The following GDPD1 variants were observed in gnomAD, a reference collection of about 807,000 sequenced individuals.
GDPD1 encodes lysophospholipase D GDPD1.
Under a neutral mutation model 45.1 loss-of-function variants are expected in GDPD1, and 28 were observed. The ratio of observed to expected loss-of-function variants is 0.62; its 90% CI spans 0.46 to 0.85. The LOEUF (loss-of-function observed/expected upper bound fraction) is 0.85. GDPD1 is among the 40% of genes least tolerant of loss of function. The pLI is 0.00. For missense variants in GDPD1, 256 were observed against 364.8 expected, an observed-to-expected ratio of 0.70 and a Z score of 2.43; for synonymous variants, 139 against 131.4, an observed-to-expected ratio of 1.06 and a Z score of -0.40.
At position 59,233,868 on chromosome 17, in the gene GDPD1, A is replaced by C. The variant is rs145104636; in HGVS notation, c.143-624A>C. Among the ~76,000 whole-genome samples the C allele has an allele frequency of 3.3e-5, 5 of 152,298 alleles. No homozygotes were observed. In the East Asian group the frequency reaches 9.6e-4, roughly 29 times the overall value. On this transcript the variant is annotated intron_variant, in intron 1 of 9. Transcript: ENST00000284116. The stretch of plus-strand genomic sequence containing the variant: ...TGTACACAAACTTTGTTTCGTGCAT[A>C]AAATTATTTAAAATATTGTGTAAAA...
chr17:59,271,124 A>G, intron 8 of GDPD1, 129 bp downstream of exon 8: 1 of 571,892 alleles, frequency 1.7e-6, no homozygotes, highest in Non-Finnish European at 3.1e-6. Context: ...CCTGCTATGT[A>G]AAATGTGTAT....
At chr17:59,252,773 G>A (rs985861527) in intron 4 of GDPD1, among the ~76,000 whole-genome samples, 2 of 151,800 alleles carry the variant, frequency 1.3e-5, no homozygotes, top group African/African-American at 4.8e-5. Context: ...GTTGAGGCAG[G>A]AAGATCACCT....
At chr17:59,272,987 C>G (rs1193279050) in intron 9 of GDPD1, 151 bp downstream of exon 9, 6 of 1,504,056 alleles carry the variant, frequency 4.0e-6, no homozygotes, top group Non-Finnish European at 5.3e-6. Context: ...TAAGCTCTTC[C>G]TTACACTTAG....
intron 7 of GDPD1, among the ~76,000 whole-genome samples, chr17:59,269,475 A>AC (rs201819855): frequency 0.13 from 15,453 of 119,784 alleles, 913 homozygotes; most frequent in South Asian, 0.21. Flanking sequence ...CTTCTTGTCT[A>AC]CCCCCCCCCC....
chr17:59,272,499 G>A (rs750937523), intron 8 of GDPD1, among the ~76,000 whole-genome samples: 1 of 152,186 alleles, frequency 6.6e-6, no homozygotes, highest in Non-Finnish European at 1.5e-5. Flanking sequence ...AAATGAGGCA[G>A]CCTCTTTTCC....
At chr17:59,233,237 G>A (rs1281591505) in intron 1 of GDPD1, among the ~76,000 whole-genome samples, 1 of 151,830 alleles carries the variant, frequency 6.6e-6, no homozygotes, top group Non-Finnish European at 1.5e-5. Context: ...AAACAGGCCG[G>A]GCGCGGTGGC....
At chr17:59,262,624 GTTTTGTTTTT>G (rs999171172) in intron 6 of GDPD1, among the ~76,000 whole-genome samples, 5 of 130,312 alleles carry the variant, frequency 3.8e-5, no homozygotes, top group African/African-American at 1.1e-4. Context: ...TTGTATCTTG[GTTTTGTTTTT>G]TTTTGTTTTT....
chr17:59,246,651 G>C (rs1235465624), intron 3 of GDPD1, among the ~76,000 whole-genome samples: 1 of 122,856 alleles, frequency 8.1e-6, no homozygotes, highest in Non-Finnish European at 1.6e-5. Flanking sequence ...GTAGGTTGCA[G>C]TGACCCGAGA....
At chr17:59,263,583 ATTC>A (rs2047376031) in intron 6 of GDPD1, among the ~76,000 whole-genome samples, 1 of 140,520 alleles carries the variant, frequency 7.1e-6, no homozygotes, top group African/African-American at 2.7e-5. Flanking sequence ...GGTTCAAGCG[ATTC>A]TCCTCCCTCA....
intron 2 of GDPD1, among the ~76,000 whole-genome samples, chr17:59,239,036 G>A (rs142791162): frequency 2.0e-5 from 3 of 152,174 alleles, no homozygotes; most frequent in East Asian, 1.9e-4. Context: ...GGAAATACCC[G>A]TAGGACAATG....
In GDPD1 at chr17:59,238,423, T is replaced by A. The variant is rs1231330408; in HGVS notation, c.185+3889T>A. Among the ~76,000 whole-genome samples, 194 of 150,320 alleles carry A rather than the reference T, an allele frequency of 1.3e-3. 1 individual carries two copies. Among genetic ancestry groups the A allele is most frequent in the African/African-American group, 2.1e-3 (83 of 40,398 alleles). On this transcript the variant is annotated intron_variant, in intron 2 of 9. Coordinates refer to ENST00000284116, the MANE Select transcript of GDPD1 (RefSeq NM_182569.4). ...GCTCTTCTATTATTTTTTATTTTTT[T>A]TTTTTTCCGAGACGGAGTCTCACTC...
At chr17:59,237,062 T>C (rs941758870) in intron 2 of GDPD1, among the ~76,000 whole-genome samples, 27 of 152,262 alleles carry the variant, frequency 1.8e-4, no homozygotes, top group Admixed American at 7.9e-4. Context: ...TTTTGTTTTG[T>C]TTTCATACTT....
intron 4 of GDPD1, among the ~76,000 whole-genome samples, chr17:59,254,300 G>A (rs1387739889): frequency 6.6e-6 from 1 of 151,550 alleles, no homozygotes; most frequent in Non-Finnish European, 1.5e-5. Context: ...GGCAGAGGTT[G>A]CGATGAGCCG....
Position 59,275,086 on chromosome 17 carries a change from C to A in GDPD1, c.*1313C>A. On this transcript the variant is annotated 3_prime_UTR_variant, in exon 10 of 10. Coordinates refer to ENST00000284116, the MANE Select transcript of GDPD1 (RefSeq NM_182569.4). The stretch of plus-strand genomic sequence containing the variant: ...CGAACTCCTGACCTCAGGTGATCCA[C>A]CCACCTCGGCCTCTCAAAGTGCTGG... 2 of 1,289,898 alleles carry A rather than the reference C, an allele frequency of 1.6e-6. No homozygotes were observed. Among genetic ancestry groups the A allele is most frequent in the South Asian group, 2.5e-5 (2 of 78,900 alleles). The allele number at this position is 1,289,898 out of a possible 1,614,324, so 79.9% of individuals were successfully genotyped here. A position where few individuals can be genotyped will look rare whatever the true frequency, so the allele number is the denominator to read the frequency against.
At chr17:59,234,389 A>AT in intron 1 of GDPD1, 103 bp from the exon 2 acceptor site, 2 of 533,604 alleles carry the variant, frequency 3.7e-6, no homozygotes, top group Admixed American at 3.6e-5. Context: ...TCTACCCCCA[A>AT]AAAAAAAAAA....
At chr17:59,222,839 T>C (rs2147870740) in intron 1 of GDPD1, among the ~76,000 whole-genome samples, 1 of 152,292 alleles carries the variant, frequency 6.6e-6, no homozygotes, top group East Asian at 1.9e-4. Context: ...ATGATAGTAG[T>C]CCTATTCTGG....
intron 1 of GDPD1, among the ~76,000 whole-genome samples, chr17:59,228,344 A>G (rs2047063751): frequency 6.6e-6 from 1 of 152,072 alleles, no homozygotes; most frequent in South Asian, 2.1e-4. Flanking sequence ...TAACCACTAG[A>G]CTATACTGCC....
chr17:59,228,231 A>G (rs990388836), intron 1 of GDPD1, among the ~76,000 whole-genome samples: 38 of 150,758 alleles, frequency 2.5e-4, no homozygotes, highest in African/African-American at 8.8e-4. Context: ...AACTCATTTG[A>G]TTATACCAAT....
In GDPD1 at chr17:59,275,492, T is replaced by C. The variant is rs1041145795; in HGVS notation, c.*1719T>C. 11 of 205,802 alleles carry C rather than the reference T, an allele frequency of 5.3e-5. No individual in the cohort carries two copies. The highest frequency in any genetic ancestry group is 2.2e-4 in the Admixed American group (4 of 18,074). 12.7% of individuals were successfully genotyped at this position (205,802 alleles called of 1,614,324 possible). On this transcript the variant is annotated 3_prime_UTR_variant, in exon 10 of 10. Transcript: ENST00000284116. ...AATTAAGACAAGATCCAAATAGTCATATTTTTGTGTTTCCTCTAAAAAAAT... is the reference window on the plus strand; with the variant it reads ...AATTAAGACAAGATCCAAATAGTCACATTTTTGTGTTTCCTCTAAAAAAAT...
Sources: allele counts gnomAD v4.1 joint callset (sites outside exome capture counted in the v4.1 genomes callset), GRCh38; gene constraint gnomAD v4.1.1; transcripts MANE v1.5; gene names NCBI Gene and HGNC (gene_info 2026-07-23, HGNC 2026-07-21).